The following CPNE4 variants were observed in gnomAD, a reference collection of about 807,000 sequenced individuals.
The protein encoded by CPNE4 is copine-4.
Under a neutral mutation model 67.9 loss-of-function variants are expected in CPNE4, and 25 were observed. The observed-to-expected ratio is 0.37, with a 90% CI of 0.27 to 0.51. The LOEUF is 0.51. Ranked by LOEUF, CPNE4 falls within the 20% of genes least tolerant of loss-of-function variation. CPNE4 has a pLI of 0.93. For missense variants in CPNE4, 464 were observed against 690.8 expected (o/e 0.67, Z 3.68); for synonymous variants, 242 against 244.9 (o/e 0.99, Z 0.11).
intron 3 of CPNE4, among the ~76,000 whole-genome samples, chr3:131,700,488 T>C (rs551757459): frequency 1.3e-4 from 20 of 152,314 alleles, no homozygotes; most frequent in African/African-American, 4.6e-4. Flanking sequence ...GACAAGTCAA[T>C]AGAAGTAATT....
At chr3:131,696,494 T>C (rs1445296481) in intron 5 of CPNE4, 48 bp downstream of exon 5, 2 of 1,530,580 alleles carry the variant, frequency 1.3e-6, no homozygotes, top group Admixed American at 3.4e-5. Flanking sequence ...TTAAACTGTG[T>C]GCTAGCTTTG....
intron 1 of CPNE4, among the ~76,000 whole-genome samples, chr3:131,933,688 T>C (rs2071135728): frequency 6.6e-6 from 1 of 151,990 alleles, no homozygotes; most frequent in Non-Finnish European, 1.5e-5. Flanking sequence ...CACAATGGGA[T>C]ACTATTTATC....
intron 10 of CPNE4, among the ~76,000 whole-genome samples, chr3:131,564,963 G>A (rs553943072): frequency 2.0e-5 from 3 of 152,090 alleles, no homozygotes; most frequent in Admixed American, 6.6e-5. Context: ...GAATGTTATC[G>A]CATTGTGAGT....
At chr3:131,996,222 C>T (rs1168509508) in intron 1 of CPNE4, among the ~76,000 whole-genome samples, 2 of 152,106 alleles carry the variant, frequency 1.3e-5, no homozygotes, top group Admixed American at 6.5e-5. Context: ...TTTAATTATT[C>T]ATTTCTCCAT....
intron 2 of CPNE4, among the ~76,000 whole-genome samples, chr3:131,727,275 T>A (rs1372064536): frequency 2.0e-5 from 3 of 152,156 alleles, no homozygotes; most frequent in Non-Finnish European, 4.4e-5. Context: ...CATTGAATAT[T>A]GCTTCTCATG....
At chr3:131,553,649 C>A (rs954099444) in intron 12 of CPNE4, among the ~76,000 whole-genome samples, 1 of 152,132 alleles carries the variant, frequency 6.6e-6, no homozygotes, top group Non-Finnish European at 1.5e-5. Flanking sequence ...CACTTCCCAA[C>A]CTCTATTGTG....
rs80195389 is a variant in CPNE4 at position 131,668,420 on chromosome 3, G to A, written c.681+1255C>T. ...GTTGTCCTGAGAAGTCAACATGAATGTTTAGTCTGCCTGATGGACAGTGGA... is the reference window on the plus strand; with the variant it reads ...GTTGTCCTGAGAAGTCAACATGAATATTTAGTCTGCCTGATGGACAGTGGA... On this transcript the variant is annotated intron_variant, in intron 7 of 15. Coordinates refer to ENST00000429747, the MANE Select transcript of CPNE4 (RefSeq NM_130808.3). Among the ~76,000 whole-genome samples the A allele has an allele frequency of 7.7e-3, 1,166 of 152,280 alleles. 20 individuals carry two copies. The highest frequency in any genetic ancestry group is 0.027 in the African/African-American group (1,105 of 41,562).
intron 6 of CPNE4, among the ~76,000 whole-genome samples, chr3:131,678,206 G>A (rs2080638044): frequency 6.6e-6 from 1 of 151,934 alleles, no homozygotes; most frequent in Non-Finnish European, 1.5e-5. Context: ...ATTGTGAATG[G>A]GAGTTCATTC....
At chr3:131,954,893 C>T (rs1241505441) in intron 1 of CPNE4, among the ~76,000 whole-genome samples, 2 of 150,102 alleles carry the variant, frequency 1.3e-5, no homozygotes, top group African/African-American at 4.9e-5. Context: ...TCCAGTCTAT[C>T]ATTGATGGAC....
At chr3:131,794,884 C>G (rs1438588503) in intron 2 of CPNE4, among the ~76,000 whole-genome samples, 2 of 152,160 alleles carry the variant, frequency 1.3e-5, no homozygotes, top group Non-Finnish European at 2.9e-5. Flanking sequence ...CAGTCCCTCA[C>G]CAAGGCAGTC....
intron 3 of CPNE4, among the ~76,000 whole-genome samples, chr3:131,709,607 G>T (rs753391941): frequency 4.6e-5 from 7 of 152,218 alleles, no homozygotes; most frequent in Non-Finnish European, 1.0e-4. Flanking sequence ...AGGTGGGGAT[G>T]TTATCTCAGA....
At chr3:131,833,301 A>G (rs1487533539) in intron 2 of CPNE4, among the ~76,000 whole-genome samples, 1 of 152,226 alleles carries the variant, frequency 6.6e-6, no homozygotes, top group Admixed American at 6.5e-5. Flanking sequence ...AATGATAGGG[A>G]TAAGTGAGAG....
At chr3:131,676,806 A>T (rs1415592729) in intron 6 of CPNE4, among the ~76,000 whole-genome samples, 2 of 152,042 alleles carry the variant, frequency 1.3e-5, no homozygotes, top group Non-Finnish European at 2.9e-5. Flanking sequence ...GGTTGATTCC[A>T]TGTTTTTGTT....
chr3:131,994,011 T>G (rs1171922148), intron 1 of CPNE4, among the ~76,000 whole-genome samples: 1 of 136,294 alleles, frequency 7.3e-6, no homozygotes, highest in African/African-American at 2.5e-5. Flanking sequence ...TCAATGACAT[T>G]TCTATATATT....
intron 8 of CPNE4, 37 bp from the exon 9 acceptor site, chr3:131,581,702 A>G: frequency 6.7e-7 from 1 of 1,488,470 alleles, no homozygotes; most frequent in Non-Finnish European, 9.4e-7. Flanking sequence ...TCTGTTCAGG[A>G]AAAAGCTGAG....
At chr3:131,978,522 A>T (rs1242385606) in intron 1 of CPNE4, among the ~76,000 whole-genome samples, 1 of 79,876 alleles carries the variant, frequency 1.3e-5, no homozygotes, top group Non-Finnish European at 2.2e-5. Context: ...ATTTATTTAT[A>T]TAAATATAAA....
At chr3:131,895,052 A>G (rs903681162) in intron 2 of CPNE4, among the ~76,000 whole-genome samples, 3 of 152,104 alleles carry the variant, frequency 2.0e-5, no homozygotes, top group Admixed American at 2.0e-4. Flanking sequence ...AAATCTTGTT[A>G]TTTGCATCAA....
intron 7 of CPNE4, among the ~76,000 whole-genome samples, chr3:131,593,898 T>C (rs756705289): frequency 6.6e-6 from 1 of 152,062 alleles, no homozygotes; most frequent in Admixed American, 6.5e-5. Flanking sequence ...TTATTTTTTT[T>C]TAGTAGAGAT....
rs56890555 is a variant in CPNE4, at chr3:131,657,704, T to TTGTGTGTGTG, written c.681+11961_681+11970dup. Among the ~76,000 whole-genome samples, 560 of 140,912 alleles carry TTGTGTGTGTG rather than the reference T, an allele frequency of 4.0e-3. 5 individuals are homozygous for TTGTGTGTGTG. Among genetic ancestry groups the TTGTGTGTGTG allele is most frequent in the Admixed American group, 0.012 (162 of 14,000 alleles). 92.4% of individuals were successfully genotyped at this position (140,912 alleles called of 152,430 possible). ...CACGTGCCACCACGTCCAGCTAATTTTGTGTGTGTGTGTGTGTGTGTGTGT... is the reference window on the plus strand; with the variant it reads ...CACGTGCCACCACGTCCAGCTAATTTTGTGTGTGTGTGTGTGTGTGTGTGTGTGTGTGTGT... On this transcript the variant is annotated intron_variant, in intron 7 of 15. Transcript: ENST00000429747.
Sources: gnomAD v4.1 joint callset for allele counts (sites outside exome capture counted in the v4.1 genomes callset) on GRCh38, gnomAD v4.1.1 for gene constraint, MANE v1.5 for transcripts, NCBI Gene and HGNC (gene_info 2026-07-23, HGNC 2026-07-21) for gene names.